Variants in MACROD2 observed in about 807,000 individuals in gnomAD.
MACROD2 encodes the protein mono-ADP ribosylhydrolase 2.
A neutral mutation model predicts 70.4 loss-of-function variants in MACROD2; 36 were observed. The ratio of observed to expected loss-of-function variants is 0.51; its 90% CI spans 0.39 to 0.68. MACROD2 has a LOEUF of 0.68. Ranked by LOEUF, MACROD2 falls within the 30% of genes least tolerant of loss-of-function variation. MACROD2 has a pLI of 0.00. For synonymous variants in MACROD2, 172 were observed against 178.8 expected, an observed-to-expected ratio of 0.96 and a Z score of 0.30; for missense variants, 496 against 538.4, an observed-to-expected ratio of 0.92 and a Z score of 0.78.
intron 5 of MACROD2, among the ~76,000 whole-genome samples, chr20:14,754,747 C>T (rs7261963): frequency 0.013 from 1,969 of 150,800 alleles, 46 homozygotes; most frequent in African/African-American, 0.045. Flanking sequence ...ATATCTGTCA[C>T]TCCAGGATCT....
chr20:14,760,357 A>G (rs1211261309), intron 5 of MACROD2, among the ~76,000 whole-genome samples: 2 of 152,134 alleles, frequency 1.3e-5, no homozygotes, highest in Non-Finnish European at 2.9e-5. Flanking sequence ...TACTATAAGC[A>G]TACAGAAATG....
At chr20:14,723,719 C>A (rs1019763847) in intron 5 of MACROD2, among the ~76,000 whole-genome samples, 1 of 151,666 alleles carries the variant, frequency 6.6e-6, no homozygotes, top group Non-Finnish European at 1.5e-5. Flanking sequence ...CTATTTGGTG[C>A]TATTCGGCTT....
At chr20:15,471,581 C>T (rs1452647280) in intron 7 of MACROD2, among the ~76,000 whole-genome samples, 1 of 152,220 alleles carries the variant, frequency 6.6e-6, no homozygotes, top group East Asian at 1.9e-4. Flanking sequence ...AAAGCCTCCA[C>T]TGCTGACCTG....
intron 3 of MACROD2, among the ~76,000 whole-genome samples, chr20:14,299,375 T>C (rs1351525664): frequency 6.6e-6 from 1 of 152,012 alleles, no homozygotes; most frequent in Non-Finnish European, 1.5e-5. Context: ...CAATGTAGTA[T>C]AAACGTTAAC....
intron 6 of MACROD2, among the ~76,000 whole-genome samples, chr20:15,396,261 C>T (rs943051930): frequency 6.6e-6 from 1 of 152,146 alleles, no homozygotes; most frequent in African/African-American, 2.4e-5. Context: ...GCAGTCATTG[C>T]CCTAAATCTT....
chr20:14,630,855 C>T (rs187239091), intron 4 of MACROD2, among the ~76,000 whole-genome samples: 14 of 152,124 alleles, frequency 9.2e-5, no homozygotes, highest in Non-Finnish European at 1.6e-4. Context: ...TTGAATCTAA[C>T]ACTTTTAAAC....
chr20:15,262,404 C>T lies in MACROD2; in HGVS notation c.540+32343C>T, dbSNP rs557910138. The stretch of plus-strand genomic sequence containing the variant: ...TCATTATTTTTATGGCTAAATAGTA[C>T]TCCATTGCGTATATGTACCATGTTT... On this transcript the variant is annotated intron_variant, in intron 6 of 17. Coordinates refer to ENST00000684519, the MANE Select transcript of MACROD2 (RefSeq NM_001351661.2). Among the ~76,000 whole-genome samples, 11 of 152,086 alleles carry T rather than the reference C, an allele frequency of 7.2e-5. No individual in the cohort carries two copies. The East Asian group carries it at 2.1e-3, about 29-fold the overall frequency.
chr20:14,165,790 A>G (rs2055259247), intron 3 of MACROD2, among the ~76,000 whole-genome samples: 1 of 152,202 alleles, frequency 6.6e-6, no homozygotes, highest in African/African-American at 2.4e-5. Context: ...TGATGGATGA[A>G]TGAAAATCCC....
intron 8 of MACROD2, among the ~76,000 whole-genome samples, chr20:15,859,911 A>C (rs1239833539): frequency 6.6e-6 from 1 of 152,156 alleles, no homozygotes; most frequent in East Asian, 1.9e-4. Flanking sequence ...TGAGGCAGGC[A>C]GATCACGAGG....
rs896018949 is a variant in MACROD2, at chr20:14,310,575, A to G, written c.272-182904A>G. Among the ~76,000 whole-genome samples, 8 of 152,228 alleles carry G rather than the reference A, an allele frequency of 5.3e-5. 1 individual carries two copies. Among genetic ancestry groups the G allele is most frequent in the Admixed American group, 2.6e-4 (4 of 15,266 alleles). ...TATGTACAGTACATCATCCTTGATA[A>G]GAAAAAATGACTATCTTACTAGTTT... On this transcript the variant is annotated intron_variant, in intron 3 of 17. Transcript: ENST00000684519.
intron 8 of MACROD2, among the ~76,000 whole-genome samples, chr20:15,591,238 A>G (rs2048675902): frequency 6.6e-6 from 1 of 152,192 alleles, no homozygotes; most frequent in Admixed American, 6.5e-5. Flanking sequence ...GTTCTGAGCA[A>G]GAGCTGGGAA....
intron 4 of MACROD2, among the ~76,000 whole-genome samples, chr20:14,683,416 G>C (rs2070959246): frequency 6.6e-6 from 1 of 152,152 alleles, no homozygotes; most frequent in Admixed American, 6.5e-5. Flanking sequence ...GCCATATCTG[G>C]TAAATGTTTA....
chr20:14,395,232 A>G (rs1462729913), intron 3 of MACROD2, among the ~76,000 whole-genome samples: 3 of 151,904 alleles, frequency 2.0e-5, no homozygotes, highest in Non-Finnish European at 4.4e-5. Flanking sequence ...ATTGATTATT[A>G]GTTTGTTTTT....
chr20:15,054,171 G>T (rs993193889), intron 5 of MACROD2, among the ~76,000 whole-genome samples: 3 of 152,190 alleles, frequency 2.0e-5, no homozygotes, highest in Non-Finnish European at 4.4e-5. Context: ...TAACAACAAA[G>T]GATTTAGAAT....
At chr20:15,474,226 C>G (rs2072511181) in intron 7 of MACROD2, among the ~76,000 whole-genome samples, 1 of 152,150 alleles carries the variant, frequency 6.6e-6, no homozygotes, top group South Asian at 2.1e-4. Context: ...TAACTAGCAA[C>G]TTCATGGTTG....
chr20:15,062,790 C>T (rs6034098), intron 5 of MACROD2, among the ~76,000 whole-genome samples: 5,055 of 152,152 alleles, frequency 0.033, 257 homozygotes, highest in African/African-American at 0.1. Context: ...CGTGGCAATC[C>T]GAATAGAACT....
At chr20:14,935,776 A>T (rs1600847283) in intron 5 of MACROD2, among the ~76,000 whole-genome samples, 1 of 152,162 alleles carries the variant, frequency 6.6e-6, no homozygotes, top group South Asian at 2.1e-4. Context: ...CTAGTGCAAA[A>T]ATGTTCTAAG....
intron 2 of MACROD2, among the ~76,000 whole-genome samples, chr20:14,028,904 G>A (rs1376169247): frequency 6.6e-6 from 1 of 152,136 alleles, no homozygotes; most frequent in Non-Finnish European, 1.5e-5. Flanking sequence ...ACCCAGAGTT[G>A]TCTGTTTTTC....
intron 6 of MACROD2, among the ~76,000 whole-genome samples, chr20:15,357,010 T>G (rs2078295124): frequency 6.6e-6 from 1 of 152,122 alleles, no homozygotes; most frequent in South Asian, 2.1e-4. Context: ...ATCCCTTATA[T>G]GAACCTTTAT....
Sources: gnomAD v4.1 joint callset for allele counts (sites outside exome capture counted in the v4.1 genomes callset) on GRCh38, gnomAD v4.1.1 for gene constraint, MANE v1.5 for transcripts, NCBI Gene and HGNC (gene_info 2026-07-23, HGNC 2026-07-21) for gene names.